The following CNGB3 variants were observed in gnomAD, a reference collection of about 807,000 sequenced individuals.
The protein encoded by CNGB3 is cyclic nucleotide gated channel subunit beta 3.
Under a neutral mutation model 92.8 loss-of-function variants are expected in CNGB3, and 86 were observed. The ratio of observed to expected loss-of-function variants is 0.93; its 90% CI spans 0.78 to 1.11. The LOEUF (loss-of-function observed/expected upper bound fraction) is 1.11. Ranked by LOEUF, CNGB3 falls within the 50% of genes least tolerant of loss-of-function variation. The pLI, the probability that CNGB3 is intolerant of heterozygous loss-of-function variation, is 0.00. For synonymous variants in CNGB3, 333 were observed against 332.7 expected (o/e 1.00, Z -0.01); for missense variants, 1,026 against 956.8 (o/e 1.07, Z -0.95).
In CNGB3 at chr8:86,635,463, T is replaced by C. The variant is rs374414566; in HGVS notation, c.1179-2570A>G. 7.6e-4 allele frequency among the ~76,000 whole-genome samples: 115 copies of C among 152,176 alleles called. 1 individual carries two copies. The South Asian group carries it at 0.012, about 16-fold the overall frequency. On this transcript the variant is annotated intron_variant, in intron 10 of 17. Coordinates refer to ENST00000320005, the MANE Select transcript of CNGB3 (RefSeq NM_019098.5). ...ATGATTTTAAAAAATAACAATCAAA[T>C]GTAAAATTTTGGCATGGATTTTCCA... is the stretch of plus-strand genomic sequence containing the variant.
At chr8:86,625,948 T>C (rs762419306) in intron 13 of CNGB3, 35 bp downstream of exon 13, 1 of 1,508,150 alleles carries the variant, frequency 6.6e-7, no homozygotes, top group Non-Finnish European at 9.2e-7. Flanking sequence ...CATAGAGAAA[T>C]AGATACAGAG....
At chr8:86,717,061 A>G (rs1824867542) in intron 3 of CNGB3, among the ~76,000 whole-genome samples, 1 of 152,202 alleles carries the variant, frequency 6.6e-6, no homozygotes, top group Non-Finnish European at 1.5e-5. Context: ...AGCGAGCAGG[A>G]AAAGCTATTC....
chr8:86,635,867 C>T (rs28556581), intron 10 of CNGB3, among the ~76,000 whole-genome samples: 2,902 of 66,146 alleles, frequency 0.044, 50 homozygotes, highest in African/African-American at 0.086. Context: ...TATATATACA[C>T]ATACACATAT....
chr8:86,687,722 A>G (rs1824217539), intron 3 of CNGB3, among the ~76,000 whole-genome samples: 1 of 151,994 alleles, frequency 6.6e-6, no homozygotes, highest in Non-Finnish European at 1.5e-5. Context: ...TTTTTTTAAA[A>G]TCCACCATTA....
intron 10 of CNGB3, among the ~76,000 whole-genome samples, chr8:86,637,508 T>G (rs1823095251): frequency 6.6e-6 from 1 of 152,126 alleles, no homozygotes; most frequent in Non-Finnish European, 1.5e-5. Context: ...CATTGAGATT[T>G]TGATAGGGAT....
intron 3 of CNGB3, among the ~76,000 whole-genome samples, chr8:86,694,825 C>G (rs2131642010): frequency 1.3e-5 from 2 of 150,484 alleles, no homozygotes; most frequent in Middle Eastern, 3.6e-3. Context: ...ACTGAGCAGC[C>G]AGGCAGAGGG....
chr8:86,703,162 C>A (rs1824586401), intron 3 of CNGB3, among the ~76,000 whole-genome samples: 1 of 151,902 alleles, frequency 6.6e-6, no homozygotes, highest in African/African-American at 2.4e-5. Flanking sequence ...GTGCGTCGTG[C>A]TTTTTCTGTT....
At position 86,657,615 on chromosome 8, in the gene CNGB3, C is replaced by T. The variant is rs1476228247; in HGVS notation, c.853-3553G>A. The T allele has an allele frequency of 2.2e-5, 9 of 404,920 alleles. No individual in the cohort carries two copies. The East Asian group carries it at 2.7e-4, about 12-fold the overall frequency. 25.1% of individuals were successfully genotyped at this position (404,920 alleles called of 1,614,324 possible). ...AGATCACCCTGTTTGTTGGCAGCCC[C>T]GAGCTCCTGTGGGAGCTGGGGCACC... On this transcript the variant is annotated intron_variant, in intron 6 of 17. Transcript: ENST00000320005.
At chr8:86,585,313 G>GTATATA (rs141651491) in intron 15 of CNGB3, among the ~76,000 whole-genome samples, 1 of 150,244 alleles carries the variant, frequency 6.7e-6, no homozygotes, top group African/African-American at 2.4e-5. Flanking sequence ...TTGTGTGTAT[G>GTATATA]TATATATATA....
chr8:86,620,888 T>C (rs945669350), intron 13 of CNGB3, among the ~76,000 whole-genome samples: 1 of 142,456 alleles, frequency 7.0e-6, no homozygotes, highest in Non-Finnish European at 1.5e-5. Context: ...TCTATTTCAC[T>C]TGGCTTTACA....
intron 2 of CNGB3, among the ~76,000 whole-genome samples, chr8:86,734,014 G>T (rs1267660346): frequency 1.3e-5 from 2 of 151,914 alleles, no homozygotes; most frequent in Non-Finnish European, 2.9e-5. Flanking sequence ...ACTACAGGCG[G>T]GTGCTACTAT....
At chr8:86,741,883 G>T (rs1162359557) in intron 1 of CNGB3, among the ~76,000 whole-genome samples, 2 of 151,980 alleles carry the variant, frequency 1.3e-5, no homozygotes, top group East Asian at 1.9e-4. Context: ...CGTTTATCCT[G>T]CAGGCAAAGT....
chr8:86,712,068 A>G (rs1327754114), intron 3 of CNGB3, among the ~76,000 whole-genome samples: 2 of 151,962 alleles, frequency 1.3e-5, no homozygotes, highest in Non-Finnish European at 2.9e-5. Context: ...TGAAAAAGAG[A>G]AAATGAAATT....
intron 2 of CNGB3, among the ~76,000 whole-genome samples, chr8:86,729,156 C>T (rs1825117856): frequency 1.3e-5 from 2 of 152,178 alleles, no homozygotes; most frequent in African/African-American, 4.8e-5. Flanking sequence ...AGCAATGCGC[C>T]TGTCAAAGTG....
In CNGB3 at chr8:86,671,135, A is replaced by G. The variant is rs771946836; in HGVS notation, c.339-37T>C. 6.8e-6 allele frequency: 11 copies of G among 1,606,844 alleles called. No individual in the cohort carries two copies. In the East Asian group the frequency reaches 2.0e-4, roughly 29 times the overall value. ...AAAAAATGGCAATAGAGATGGGCCC[A>G]TGAAGAAATAGATATAAGGGAAAGA... On this transcript the variant is annotated intron_variant, in intron 3 of 17. Coordinates refer to ENST00000320005, the MANE Select transcript of CNGB3 (RefSeq NM_019098.5).
At chr8:86,687,390 G>A (rs1824209419) in intron 3 of CNGB3, among the ~76,000 whole-genome samples, 1 of 151,940 alleles carries the variant, frequency 6.6e-6, no homozygotes, top group Non-Finnish European at 1.5e-5. Flanking sequence ...CTATAATATG[G>A]ATGAACCTAG....
At chr8:86,641,638 T>C (rs1823190032) in intron 10 of CNGB3, among the ~76,000 whole-genome samples, 1 of 151,892 alleles carries the variant, frequency 6.6e-6, no homozygotes, top group Admixed American at 6.6e-5. Flanking sequence ...TATTCATTTT[T>C]TTTTCCCCTT....
intron 13 of CNGB3, among the ~76,000 whole-genome samples, chr8:86,624,222 C>T (rs1242846543): frequency 6.6e-6 from 1 of 152,140 alleles, no homozygotes; most frequent in African/African-American, 2.4e-5. Context: ...AGTTCAAGAC[C>T]AGCCTGGCCA....
chr8:86,651,859 G>A (rs1033922333), intron 7 of CNGB3, among the ~76,000 whole-genome samples: 48 of 151,952 alleles, frequency 3.2e-4, no homozygotes, highest in African/African-American at 1.2e-3. Context: ...AATAGTGAAT[G>A]ATCAGGTACA....
Sources: allele counts gnomAD v4.1 joint callset (sites outside exome capture counted in the v4.1 genomes callset), GRCh38; gene constraint gnomAD v4.1.1; transcripts MANE v1.5; gene names NCBI Gene and HGNC (gene_info 2026-07-23, HGNC 2026-07-21).